The following SNTB1 variants were observed in gnomAD, a reference collection of about 807,000 sequenced individuals.
SNTB1 encodes the protein beta-1-syntrophin.
A neutral mutation model predicts 48.9 loss-of-function variants in SNTB1; 36 were observed. The observed-to-expected ratio is 0.74, with a 90% CI of 0.56 to 0.97. The LOEUF is 0.97. SNTB1 is among the 50% of genes least tolerant of loss of function. SNTB1 has a pLI of 0.00. For missense variants in SNTB1, 786 were observed against 703.4 expected, an observed-to-expected ratio of 1.12 and a Z score of -1.33; for synonymous variants, 299 against 294.6, an observed-to-expected ratio of 1.01 and a Z score of -0.15.
intron 1 of SNTB1, among the ~76,000 whole-genome samples, chr8:120,806,371 T>C (rs951631328): frequency 2.6e-5 from 4 of 152,228 alleles, no homozygotes; most frequent in African/African-American, 7.2e-5. Flanking sequence ...TGTGCAGCCG[T>C]GCATTGGTAG....
At chr8:120,692,338 T>C (rs1167177985) in intron 2 of SNTB1, among the ~76,000 whole-genome samples, 1 of 152,110 alleles carries the variant, frequency 6.6e-6, no homozygotes, top group African/African-American at 2.4e-5. Flanking sequence ...CCAAATACTT[T>C]CTATTCGGGT....
At chr8:120,648,494 C>A (rs1373955334) in intron 2 of SNTB1, among the ~76,000 whole-genome samples, 1 of 151,620 alleles carries the variant, frequency 6.6e-6, no homozygotes, top group Non-Finnish European at 1.5e-5. Flanking sequence ...GAATATTGGC[C>A]CCCACTCTCT....
chr8:120,546,129 G>T (rs1815376764), intron 5 of SNTB1, among the ~76,000 whole-genome samples: 1 of 152,174 alleles, frequency 6.6e-6, no homozygotes. Flanking sequence ...AAGCATAATA[G>T]AAAAGGGAAA....
intron 1 of SNTB1, among the ~76,000 whole-genome samples, chr8:120,794,490 T>TAC (rs1820089229): frequency 6.7e-6 from 1 of 149,228 alleles, no homozygotes; most frequent in Non-Finnish European, 1.5e-5. Flanking sequence ...TATATATATA[T>TAC]ATACACACAC....
chr8:120,794,152 T>C (rs1273671199), intron 1 of SNTB1, among the ~76,000 whole-genome samples: 2 of 151,974 alleles, frequency 1.3e-5, no homozygotes, highest in African/African-American at 4.8e-5. Context: ...TAAGCTTCAA[T>C]ACCAGTCAGC....
intron 2 of SNTB1, among the ~76,000 whole-genome samples, chr8:120,666,022 T>A (rs1371765962): frequency 6.6e-6 from 1 of 152,182 alleles, no homozygotes; most frequent in Non-Finnish European, 1.5e-5. Flanking sequence ...TGTCTTTTTT[T>A]AAGCTGTTTG....
At chr8:120,598,899 G>T (rs762075674) in intron 3 of SNTB1, among the ~76,000 whole-genome samples, 1 of 152,090 alleles carries the variant, frequency 6.6e-6, no homozygotes, top group African/African-American at 2.4e-5. Flanking sequence ...TCCTCTGTGT[G>T]AAGTCTCCCT....
chr8:120,793,077 G>A (rs182954258), intron 1 of SNTB1, among the ~76,000 whole-genome samples: 2 of 152,044 alleles, frequency 1.3e-5, no homozygotes, highest in East Asian at 3.9e-4. Context: ...GTGCAAACCT[G>A]AAATGAATAA....
chr8:120,552,584 C>T (rs1258753628), intron 4 of SNTB1, among the ~76,000 whole-genome samples: 1 of 152,110 alleles, frequency 6.6e-6, no homozygotes, highest in Non-Finnish European at 1.5e-5. Flanking sequence ...TCTTGAACTC[C>T]TGCCTGCCTT....
intron 2 of SNTB1, among the ~76,000 whole-genome samples, chr8:120,664,088 A>G (rs1335594966): frequency 6.6e-6 from 1 of 152,226 alleles, no homozygotes; most frequent in Non-Finnish European, 1.5e-5. Context: ...CAAAATAATT[A>G]TAATACATGG....
At chr8:120,542,787 C>CATT (rs147238908) in intron 5 of SNTB1, among the ~76,000 whole-genome samples, 1,728 of 152,116 alleles carry the variant, frequency 0.011, 34 homozygotes, top group African/African-American at 0.038. Context: ...ACACCCATGA[C>CATT]ATCAAAATTA....
rs779635696 is a variant in SNTB1 at position 120,811,749 on chromosome 8, TC to T, written c.94del (p.Asp32IlefsTer8). 5 of 1,546,426 alleles carry T rather than the reference TC, an allele frequency of 3.2e-6. No homozygotes were observed. In the South Asian group the frequency reaches 6.0e-5, roughly 19 times the overall value. On this transcript the variant is annotated frameshift_variant, in exon 1 of 7. Transcript: ENST00000517992. LOFTEE classifies it high-confidence loss of function. Reference protein sequence around the residue: ...RSGLLEVLVRDRWHKVLVNLS... With the variant: ...RSGLLEVLVRXRWHKVLVNLS... ...GTTCACCAGAACTTTGTGCCAGCGATCCCGCACCAAAACTTCCAGCAGCCCG... is the reference window on the plus strand; with the variant it reads ...GTTCACCAGAACTTTGTGCCAGCGATCCGCACCAAAACTTCCAGCAGCCCG...
intron 4 of SNTB1, among the ~76,000 whole-genome samples, chr8:120,558,918 C>G (rs750148612): frequency 1.3e-5 from 2 of 152,166 alleles, no homozygotes; most frequent in Non-Finnish European, 2.9e-5. Flanking sequence ...GTATTCCTAG[C>G]ACCTAGAACA....
At chr8:120,576,529 C>CATGT (rs1245735922) in intron 3 of SNTB1, among the ~76,000 whole-genome samples, 1 of 152,174 alleles carries the variant, frequency 6.6e-6, no homozygotes, top group African/African-American at 2.4e-5. Context: ...GTAGGTCCTA[C>CATGT]ATGTAGGCTG....
intron 1 of SNTB1, among the ~76,000 whole-genome samples, chr8:120,803,862 A>G (rs1820276699): frequency 6.6e-6 from 1 of 152,150 alleles, no homozygotes; most frequent in Admixed American, 6.5e-5. Flanking sequence ...ACATATTCAG[A>G]CTTGTAGGTC....
At chr8:120,562,979 C>A (rs1815687069) in intron 4 of SNTB1, among the ~76,000 whole-genome samples, 2 of 152,178 alleles carry the variant, frequency 1.3e-5, no homozygotes, top group Non-Finnish European at 2.9e-5. Context: ...GCCTGGTTCC[C>A]AAGCCATCTG....
chr8:120,605,834 C>G (rs1816505689), intron 3 of SNTB1, among the ~76,000 whole-genome samples: 1 of 152,136 alleles, frequency 6.6e-6, no homozygotes, highest in Non-Finnish European at 1.5e-5. Context: ...CTTATGGAAT[C>G]TTTAAGTGAA....
Position 120,693,800 on chromosome 8 carries a change from G to C in SNTB1, c.680C>G (p.Ser227Ter), listed in dbSNP as rs755439088. 13 of 1,614,150 alleles carry C rather than the reference G, an allele frequency of 8.1e-6. No individual in the cohort carries two copies. The highest frequency in any genetic ancestry group is 1.1e-5 in the Non-Finnish European group (13 of 1,179,988). ...GAAGGACTGCGATGACGGGGGGTCT[G>C]AGGTGCTGCCCCCTAACCGAGGGGA... Reference protein sequence around the residue: ...PESPRLGGSTSDPPSSQSFSF... With the variant: ...PESPRLGGST Residue 227 changes from serine (S) to a stop codon, truncating the protein, a stop_gained, in exon 2 of 7, where the codon TCA (serine) becomes TGA (stop). Transcript: ENST00000517992. LOFTEE classifies it high-confidence loss of function.
intron 2 of SNTB1, among the ~76,000 whole-genome samples, chr8:120,657,568 T>C (rs1255250592): frequency 6.6e-6 from 1 of 152,182 alleles, no homozygotes; most frequent in African/African-American, 2.4e-5. Context: ...TTTTGACTTA[T>C]ACCTCTCCAA....
Sources: allele counts gnomAD v4.1 joint callset (sites outside exome capture counted in the v4.1 genomes callset), GRCh38; gene constraint gnomAD v4.1.1; transcripts MANE v1.5; gene names NCBI Gene and HGNC (gene_info 2026-07-23, HGNC 2026-07-21).